EML6: variants seen among roughly 807,000 people sequenced by gnomAD.
The protein encoded by EML6 is EMAP like 6.
In EML6, 154 loss-of-function variants were observed where a neutral mutation model predicts 240.1. The observed-to-expected ratio is 0.64, with a 90% CI of 0.56 to 0.73. The LOEUF is 0.73. Among genes scored for constraint, EML6 ranks in the 30% least tolerant of loss-of-function variants. The pLI is 0.00. For missense variants in EML6, 2,964 were observed against 2,474.6 expected, an observed-to-expected ratio of 1.20 and a Z score of -4.20; for synonymous variants, 1,148 against 899.0, an observed-to-expected ratio of 1.28 and a Z score of -4.95.
At chr2:54,899,058 G>A (rs1459015773) in intron 21 of EML6, among the ~76,000 whole-genome samples, 4 of 152,136 alleles carry the variant, frequency 2.6e-5, no homozygotes, top group African/African-American at 4.8e-5. Flanking sequence ...GTGAACAGAC[G>A]CAGAACCTGG....
At chr2:54,880,112 C>G (rs867703800) in intron 17 of EML6, 11 of 153,832 alleles carry the variant, frequency 7.2e-5, no homozygotes, top group African/African-American at 2.7e-4. Flanking sequence ...AATTGTTTCC[C>G]TAATCTTCCG....
chr2:54,938,981 G>T (rs1327840690), intron 28 of EML6, among the ~76,000 whole-genome samples: 1 of 152,142 alleles, frequency 6.6e-6, no homozygotes, highest in Non-Finnish European at 1.5e-5. Context: ...TCCCAAGTAG[G>T]TTGTCAACTC....
chr2:54,761,810 C>T (rs1667995989), intron 2 of EML6, among the ~76,000 whole-genome samples: 1 of 151,762 alleles, frequency 6.6e-6, no homozygotes, highest in Non-Finnish European at 1.5e-5. Flanking sequence ...TATTTTGACA[C>T]ATTTTCTTTG....
chr2:54,775,785 A>C (rs1042008193), intron 2 of EML6, among the ~76,000 whole-genome samples: 1 of 152,160 alleles, frequency 6.6e-6, no homozygotes, highest in Non-Finnish European at 1.5e-5. Context: ...GCCCTTGTGG[A>C]ATGGGAATAT....
chr2:54,731,677 G>T (rs1415849850), intron 2 of EML6, among the ~76,000 whole-genome samples: 4 of 152,056 alleles, frequency 2.6e-5, no homozygotes, highest in South Asian at 2.1e-4. Flanking sequence ...CACATAATGG[G>T]TCACTGCTTG....
chr2:54,972,015 A>T lies in EML6; in HGVS notation c.*1920A>T, dbSNP rs1677054532. Reference sequence around the variant, plus strand: ...TTTATGTGTCAAATAAAATTTGATTATGTAAACACATTTGTTGACTTTTGT... The same window carrying T: ...TTTATGTGTCAAATAAAATTTGATTTTGTAAACACATTTGTTGACTTTTGT... On this transcript the variant is annotated 3_prime_UTR_variant, in exon 42 of 42. Coordinates refer to ENST00000356458, the MANE Select transcript of EML6 (RefSeq NM_001039753.4). 1 of 151,708 alleles carries T rather than the reference A, an allele frequency of 6.6e-6. No homozygotes were observed. Among genetic ancestry groups the T allele is most frequent in the East Asian group, 1.9e-4 (1 of 5,132 alleles). The allele number at this position is 151,708 out of a possible 1,614,324, so 9.4% of individuals were successfully genotyped here.
chr2:54,886,024 T>C (rs1471517092), intron 17 of EML6, among the ~76,000 whole-genome samples: 2 of 152,152 alleles, frequency 1.3e-5, no homozygotes, highest in Admixed American at 6.5e-5. Flanking sequence ...CTATTCTTTT[T>C]ATTGTGGAAA....
At position 54,962,763 on chromosome 2, in the gene EML6, G is replaced by A. The variant is rs919433907; in HGVS notation, c.5157+52G>A. 18 of 1,396,372 alleles carry A rather than the reference G, an allele frequency of 1.3e-5. No homozygotes were observed. The Middle Eastern group carries it at 6.4e-4, about 50-fold the overall frequency. The allele number at this position is 1,396,372 out of a possible 1,614,324, so 86.5% of individuals were successfully genotyped here. On this transcript the variant is annotated intron_variant, in intron 36 of 41. Transcript: ENST00000356458. ...ATGCCCACGAGTGGGCTGCGCGGCA[G>A]TGGGAGCTGAGCGAGGAGAGGCCCA...
chr2:54,892,565 C>T lies in EML6; in HGVS notation c.2651C>T (p.Thr884Ile), dbSNP rs1306767958. ...MEDLVFSGAA[T>I]GDIFIWKDIL... Reference sequence around the variant, plus strand: ...GATCTAGTGTTCTCAGGAGCAGCTACTGGAGATATTTTTATTTGGAAAGAC... The same window carrying T: ...GATCTAGTGTTCTCAGGAGCAGCTATTGGAGATATTTTTATTTGGAAAGAC... The change falls in exon 19 of 42, where the codon ACT becomes ATT. Residue 884 changes from threonine to isoleucine, a missense_variant. Transcript: ENST00000356458. The T allele has an allele frequency of 6.4e-7, 1 of 1,551,478 alleles. No homozygotes were observed. Among genetic ancestry groups the T allele is most frequent in the African/African-American group, 1.4e-5 (1 of 73,134 alleles).
At chr2:54,928,223 C>T (rs918781962) in intron 26 of EML6, 90 bp from the exon 27 acceptor site, 5 of 1,018,310 alleles carry the variant, frequency 4.9e-6, no homozygotes, top group Admixed American at 2.0e-5. Flanking sequence ...GAACTGTTTC[C>T]TTTGTATCCA....
intron 19 of EML6, among the ~76,000 whole-genome samples, 173 bp downstream of exon 19, chr2:54,892,829 T>C (rs1426800011): frequency 1.3e-5 from 2 of 152,234 alleles, no homozygotes; most frequent in Non-Finnish European, 2.9e-5. Flanking sequence ...GATATTTTTA[T>C]AATTTCGTTT....
chr2:54,882,284 T>C (rs933841817), intron 17 of EML6: 2 of 125,954 alleles, frequency 1.6e-5, no homozygotes, highest in African/African-American at 3.1e-5. Context: ...TTTTTTTTTT[T>C]TTTTTCCCTA....
At chr2:54,900,695 A>G (rs746807787) in intron 22 of EML6, among the ~76,000 whole-genome samples, 1 of 152,180 alleles carries the variant, frequency 6.6e-6, no homozygotes, top group African/African-American at 2.4e-5. Context: ...ATTTCCCACC[A>G]GTGCTCCCCG....
intron 2 of EML6, among the ~76,000 whole-genome samples, chr2:54,742,127 A>G (rs1380999264): frequency 1.3e-5 from 2 of 152,174 alleles, no homozygotes; most frequent in African/African-American, 2.4e-5. Context: ...TTTCTGCTCT[A>G]TGCTAGCACT....
intron 33 of EML6, among the ~76,000 whole-genome samples, 163 bp from the exon 34 acceptor site, chr2:54,958,941 C>G (rs528805961): frequency 6.6e-6 from 1 of 152,146 alleles, no homozygotes; most frequent in African/African-American, 2.4e-5. Context: ...GATGTGCTCT[C>G]GGTGATTTCT....
intron 2 of EML6, among the ~76,000 whole-genome samples, chr2:54,740,386 A>G (rs1379509569): frequency 1.3e-5 from 2 of 152,128 alleles, no homozygotes; most frequent in African/African-American, 4.8e-5. Flanking sequence ...GAGAGTGTCA[A>G]GAAGATGCTC....
At chr2:54,952,553 T>C in intron 30 of EML6, 41 bp from the exon 31 acceptor site, 2 of 1,378,946 alleles carry the variant, frequency 1.5e-6, no homozygotes, top group Non-Finnish European at 2.0e-6. Flanking sequence ...AAAAGGTCTT[T>C]AGGTTCCACT....
At position 54,853,644 on chromosome 2, in the gene EML6, T is replaced by G. The variant is rs1336240331; in HGVS notation, c.1446T>G (p.Ser482=). The part of the protein sequence containing the change: ...AGERLFYRMP[S]GKPLTSKEEI... ...AATGTTAATATTGATTATTTTCAGCTGGGAAGCCTTTAACAAGTAAAGAAG... is the reference window on the plus strand; with the variant it reads ...AATGTTAATATTGATTATTTTCAGCGGGGAAGCCTTTAACAAGTAAAGAAG... The change falls in exon 11 of 42, where the codon TCT becomes TCG. Residue 482 remains serine, a splice_region_variant and synonymous_variant. Coordinates refer to ENST00000356458, the MANE Select transcript of EML6 (RefSeq NM_001039753.4). The G allele has an allele frequency of 6.6e-7, 1 of 1,525,028 alleles. No individual in the cohort carries two copies. The highest frequency in any genetic ancestry group is 1.3e-5 in the South Asian group (1 of 78,762). The allele number at this position is 1,525,028 out of a possible 1,614,324, so 94.5% of individuals were successfully genotyped here.
At chr2:54,832,057 C>T (rs1668897167) in intron 7 of EML6, among the ~76,000 whole-genome samples, 1 of 152,196 alleles carries the variant, frequency 6.6e-6, no homozygotes, top group African/African-American at 2.4e-5. Context: ...CTCCCCCTGG[C>T]TTGGGCAACA....
Sources: allele counts gnomAD v4.1 joint callset (sites outside exome capture counted in the v4.1 genomes callset), GRCh38; gene constraint gnomAD v4.1.1; transcripts MANE v1.5; gene names NCBI Gene and HGNC (gene_info 2026-07-23, HGNC 2026-07-21).